Variants in EPHA6 observed in about 807,000 individuals in gnomAD.
EPHA6 encodes the protein ephrin type-A receptor 6.
A neutral mutation model predicts 112.0 loss-of-function variants in EPHA6; 50 were observed. The ratio of observed to expected loss-of-function variants is 0.45; its 90% confidence interval spans 0.36 to 0.56. The LOEUF is 0.56. EPHA6 is among the 20% of genes least tolerant of loss of function. EPHA6 has a pLI of 0.00. For missense variants in EPHA6, 1,280 were observed against 1,417.4 expected (o/e 0.90, Z 1.56); for synonymous variants, 529 against 490.7 (o/e 1.08, Z -1.03).
At chr3:97,737,583 G>C (rs1162616596) in intron 16 of EPHA6, among the ~76,000 whole-genome samples, 1 of 151,958 alleles carries the variant, frequency 6.6e-6, no homozygotes, top group Admixed American at 6.6e-5. Context: ...GTTGGCTGAT[G>C]GTATTACCCC....
intron 2 of EPHA6, among the ~76,000 whole-genome samples, chr3:96,900,366 G>A (rs72916403): frequency 0.016 from 2,443 of 152,164 alleles, 65 homozygotes; most frequent in African/African-American, 0.049. Flanking sequence ...TATGTAATTT[G>A]GAAGAAAATG....
chr3:97,382,101 A>G (rs577996460), intron 5 of EPHA6, among the ~76,000 whole-genome samples: 1 of 152,134 alleles, frequency 6.6e-6, no homozygotes, highest in Non-Finnish European at 1.5e-5. Flanking sequence ...TTTTAAATAA[A>G]CTATTGTATG....
intron 10 of EPHA6, among the ~76,000 whole-genome samples, chr3:97,520,104 A>T (rs2092515416): frequency 6.6e-6 from 1 of 151,544 alleles, no homozygotes; most frequent in African/African-American, 2.4e-5. Context: ...AGTAGCTGGG[A>T]CTACAGGCAC....
At chr3:97,427,257 A>G (rs1206376211) in intron 6 of EPHA6, among the ~76,000 whole-genome samples, 1 of 152,188 alleles carries the variant, frequency 6.6e-6, no homozygotes, top group African/African-American at 2.4e-5. Context: ...TCACTGCAGA[A>G]CCATTCACAA....
rs146280281 is a variant in EPHA6, at chr3:97,143,165, G to GAC, written c.1115-83084_1115-83083dup. Reference sequence around the variant, plus strand: ...CAATAACACAATCTCATTAACAATAGACACACACACACACACCAAATACCT... The same window carrying GAC: ...CAATAACACAATCTCATTAACAATAGACACACACACACACACACCAAATACCT... On this transcript the variant is annotated intron_variant, in intron 3 of 17. Transcript: ENST00000389672. Among the ~76,000 whole-genome samples the GAC allele has an allele frequency of 2.5e-4, 37 of 150,662 alleles. 1 individual carries two copies. The East Asian group carries it at 3.3e-3, about 14-fold the overall frequency.
At chr3:97,580,413 C>G (rs1296783929) in intron 11 of EPHA6, among the ~76,000 whole-genome samples, 1 of 152,198 alleles carries the variant, frequency 6.6e-6, no homozygotes, top group Admixed American at 6.5e-5. Context: ...TGCCTTGGAA[C>G]TAGCTCTGAA....
intron 3 of EPHA6, among the ~76,000 whole-genome samples, chr3:97,162,738 G>A (rs920709613): frequency 6.6e-6 from 1 of 152,070 alleles, no homozygotes; most frequent in Non-Finnish European, 1.5e-5. Context: ...AAGGTGTTCT[G>A]GGTCTATTTA....
At chr3:97,554,575 G>A (rs1409148253) in intron 11 of EPHA6, among the ~76,000 whole-genome samples, 1 of 151,958 alleles carries the variant, frequency 6.6e-6, no homozygotes. Flanking sequence ...ATCAGGGGGT[G>A]GCCAGGTTCC....
chr3:97,682,472 C>T (rs1243552317), intron 14 of EPHA6, among the ~76,000 whole-genome samples: 1 of 152,090 alleles, frequency 6.6e-6, no homozygotes, highest in African/African-American at 2.4e-5. Context: ...ATTGACCCTT[C>T]TACCTATTGA....
At chr3:97,178,029 T>G (rs1004510011) in intron 3 of EPHA6, among the ~76,000 whole-genome samples, 2 of 152,070 alleles carry the variant, frequency 1.3e-5, no homozygotes, top group Non-Finnish European at 2.9e-5. Context: ...CTTCTCTTCT[T>G]TGTTTCTTTC....
At chr3:97,457,725 A>G (rs906778599) in intron 7 of EPHA6, among the ~76,000 whole-genome samples, 2 of 152,068 alleles carry the variant, frequency 1.3e-5, no homozygotes, top group Non-Finnish European at 2.9e-5. Flanking sequence ...ACAAATGTTT[A>G]TAAAATAAAC....
At chr3:97,443,580 G>A (rs149984000) in intron 6 of EPHA6, among the ~76,000 whole-genome samples, 2 of 152,032 alleles carry the variant, frequency 1.3e-5, no homozygotes, top group Non-Finnish European at 2.9e-5. Context: ...GCAAGACTGG[G>A]TGATTTATTT....
At chr3:97,630,669 C>G (rs1279066559) in intron 13 of EPHA6, among the ~76,000 whole-genome samples, 1 of 151,968 alleles carries the variant, frequency 6.6e-6, no homozygotes, top group East Asian at 1.9e-4. Flanking sequence ...CTTATAGAAG[C>G]CTCTTTAACA....
chr3:96,853,052 C>T (rs1248699421), intron 1 of EPHA6, among the ~76,000 whole-genome samples: 1 of 152,068 alleles, frequency 6.6e-6, no homozygotes, highest in Non-Finnish European at 1.5e-5. Context: ...AAAGAGAGGA[C>T]TCTTCAGCCA....
intron 2 of EPHA6, 141 bp downstream of exon 2, chr3:96,867,030 A>G (rs545452388): frequency 1.2e-3 from 559 of 451,566 alleles, no homozygotes; most frequent in South Asian, 2.1e-3. Context: ...GTTAAAATAC[A>G]ATTAGAACTG....
intron 7 of EPHA6, among the ~76,000 whole-genome samples, chr3:97,469,595 A>G (rs943995870): frequency 5.3e-5 from 8 of 151,642 alleles, no homozygotes; most frequent in African/African-American, 1.9e-4. Flanking sequence ...AGAGAATGAG[A>G]AAGAATCTAA....
chr3:97,653,024 A>C (rs1466469218), intron 14 of EPHA6, among the ~76,000 whole-genome samples: 1 of 152,006 alleles, frequency 6.6e-6, no homozygotes, highest in Non-Finnish European at 1.5e-5. Context: ...ACTAGGTATA[A>C]GGATACTATA....
At position 97,738,063 on chromosome 3, in the gene EPHA6, C is replaced by G. The variant is rs187133646; in HGVS notation, c.3128+1945C>G. ...AGACATTCAGGTGTGCATACACAAC[C>G]TTTGGTACAGCATTTTCAATACAGT... On this transcript the variant is annotated intron_variant, in intron 16 of 17. Coordinates refer to ENST00000389672, the MANE Select transcript of EPHA6 (RefSeq NM_001080448.3). Among the ~76,000 whole-genome samples the G allele has an allele frequency of 1.7e-3, 258 of 152,124 alleles. 2 individuals are homozygous for G. The highest frequency in any genetic ancestry group is 1.4e-3 in the Non-Finnish European group (94 of 67,980).
Position 97,254,790 on chromosome 3 carries a change from C to T in EPHA6, c.1606+10503C>T, listed in dbSNP as rs986905344. 5.3e-5 allele frequency among the ~76,000 whole-genome samples: 8 copies of T among 152,140 alleles called. No individual in the cohort carries two copies. The East Asian group carries it at 1.3e-3, about 26-fold the overall frequency. On this transcript the variant is annotated intron_variant, in intron 5 of 17. Coordinates refer to ENST00000389672, the MANE Select transcript of EPHA6 (RefSeq NM_001080448.3). ...TTTTAACTGACTCTTTTAAGATGGT[C>T]TTCCTGAAATATCTCACCTAAAACC... is the stretch of plus-strand genomic sequence containing the variant.
Sources: gnomAD v4.1 joint callset for allele counts (sites outside exome capture counted in the v4.1 genomes callset) on GRCh38, gnomAD v4.1.1 for gene constraint, MANE v1.5 for transcripts, NCBI Gene and HGNC (gene_info 2026-07-23, HGNC 2026-07-21) for gene names.